CDC73: variants seen among roughly 807,000 people sequenced by gnomAD.
CDC73 encodes the protein parafibromin.
CDC73 carries 21 observed loss-of-function variants against 83.7 expected under a neutral mutation model. The observed-to-expected ratio is 0.25, with a 90% confidence interval of 0.18 to 0.36. CDC73 has a LOEUF of 0.36. Ranked by LOEUF, CDC73 falls within the 10% of genes least tolerant of loss-of-function variation. CDC73 has a pLI of 1.00. For synonymous variants in CDC73, 224 were observed against 212.9 expected, an observed-to-expected ratio of 1.05 and a Z score of -0.45; for missense variants, 342 against 653.3, an observed-to-expected ratio of 0.52 and a Z score of 5.19.
intron 5 of CDC73, among the ~76,000 whole-genome samples, chr1:193,137,082 A>G (rs985482350): frequency 4.6e-5 from 7 of 152,208 alleles, no homozygotes; most frequent in Non-Finnish European, 8.8e-5. Flanking sequence ...TTGAGGATCT[A>G]TAAGGAACTG....
Position 193,141,871 on chromosome 1 carries a change from A to G in CDC73, c.534A>G (p.Ser178=), listed in dbSNP as rs150365980. Residue 178 remains serine (S), a synonymous_variant, in exon 7 of 17, where the codon TCA becomes TCG. Coordinates refer to ENST00000367435, the MANE Select transcript of CDC73 (RefSeq NM_024529.5). The part of the protein sequence containing the change: ...EQIRSLSEAM[S]VEKIAAIKAK... The stretch of plus-strand genomic sequence containing the variant: ...TTAGGTCTTTGTCTGAAGCTATGTC[A>G]GTGGAAAAAATTGCTGCAATCAAAG... 19 of 1,613,092 alleles carry G rather than the reference A, an allele frequency of 1.2e-5. No homozygotes were observed. Among genetic ancestry groups the G allele is most frequent in the Non-Finnish European group, 1.4e-5 (16 of 1,179,296 alleles).
In CDC73 at chr1:193,200,674, T is replaced by C. The variant is rs191439873; in HGVS notation, c.973-3121T>C. On this transcript the variant is annotated intron_variant, in intron 10 of 16. Coordinates refer to ENST00000367435, the MANE Select transcript of CDC73 (RefSeq NM_024529.5). ...TCTTTTCCCCGCTGGGTAGTGTTTT[T>C]TCTTCCAATCCAAATCTTTAAAAAT... Among the ~76,000 whole-genome samples, 11 of 152,340 alleles carry C rather than the reference T, an allele frequency of 7.2e-5. No individual in the cohort carries two copies. In the East Asian group the frequency reaches 1.9e-3, roughly 27 times the overall value.
rs924438726 is a variant in CDC73, at chr1:193,178,019, T to C, written c.972+25575T>C. Reference sequence around the variant, plus strand: ...AAAGCAAAGCTGTCATTTAAAATTATATTTTTATGTATATAAAAATCACAT... The same window carrying C: ...AAAGCAAAGCTGTCATTTAAAATTACATTTTTATGTATATAAAAATCACAT... On this transcript the variant is annotated intron_variant, in intron 10 of 16. Transcript: ENST00000367435. Among the ~76,000 whole-genome samples, 4 of 152,330 alleles carry C rather than the reference T, an allele frequency of 2.6e-5. No individual in the cohort carries two copies. In the South Asian group the frequency reaches 8.3e-4, roughly 32 times the overall value.
chr1:193,198,861 T>C (rs901056722), intron 10 of CDC73, among the ~76,000 whole-genome samples: 2 of 152,204 alleles, frequency 1.3e-5, no homozygotes, highest in Non-Finnish European at 2.9e-5. Flanking sequence ...GTTTGTTTGT[T>C]GTAGTTTAAT....
At chr1:193,193,259 C>G (rs946267833) in intron 10 of CDC73, among the ~76,000 whole-genome samples, 2 of 152,176 alleles carry the variant, frequency 1.3e-5, no homozygotes, top group African/African-American at 4.8e-5. Context: ...TATATGCAAG[C>G]TACAAGGGGT....
intron 10 of CDC73, among the ~76,000 whole-genome samples, chr1:193,163,216 A>G (rs1293245500): frequency 1.3e-5 from 2 of 150,998 alleles, no homozygotes; most frequent in Admixed American, 1.3e-4. Flanking sequence ...CTCCTAGAAA[A>G]GTTAACAGGC....
At chr1:193,237,874 A>G (rs760836574) in intron 15 of CDC73, among the ~76,000 whole-genome samples, 1 of 152,202 alleles carries the variant, frequency 6.6e-6, no homozygotes, top group Non-Finnish European at 1.5e-5. Context: ...GGCAACTGAC[A>G]TTATGATAGC....
At chr1:193,242,697 A>G (rs1314073865) in intron 15 of CDC73, among the ~76,000 whole-genome samples, 1 of 152,122 alleles carries the variant, frequency 6.6e-6, no homozygotes, top group Non-Finnish European at 1.5e-5. Flanking sequence ...CCATTGAAAA[A>G]ATATTTTTAT....
chr1:193,170,113 C>CA (rs905169124), intron 10 of CDC73, among the ~76,000 whole-genome samples: 1 of 152,102 alleles, frequency 6.6e-6, no homozygotes, highest in African/African-American at 2.4e-5. Flanking sequence ...CATGTCCCTG[C>CA]AAAGGATATG....
In CDC73 at chr1:193,232,592, A is replaced by C. The variant is rs578015938; in HGVS notation, c.1155-401A>C. ...TTTAAAAACAAACATCTTTAGTTTA[A>C]AACTAATTAATGTTTAAAAATTATT... On this transcript the variant is annotated intron_variant, in intron 13 of 16. Transcript: ENST00000367435. 2.6e-5 allele frequency among the ~76,000 whole-genome samples: 4 copies of C among 152,320 alleles called. No homozygotes were observed. The East Asian group carries it at 7.7e-4, about 29-fold the overall frequency.
At chr1:193,188,118 C>A (rs1469164157) in intron 10 of CDC73, among the ~76,000 whole-genome samples, 2 of 152,174 alleles carry the variant, frequency 1.3e-5, no homozygotes, top group Non-Finnish European at 2.9e-5. Flanking sequence ...GACTATGAAG[C>A]TAGCCACAAT....
In CDC73 at chr1:193,250,920, A is replaced by G; in HGVS notation, c.*208A>G. The G allele has an allele frequency of 1.8e-6, 1 of 544,150 alleles. No individual in the cohort carries two copies. Among genetic ancestry groups the G allele is most frequent in the Non-Finnish European group, 3.3e-6 (1 of 303,336 alleles). The allele number at this position is 544,150 out of a possible 1,614,324, so 33.7% of individuals were successfully genotyped here. A position where few individuals can be genotyped will look rare whatever the true frequency, so the allele number is the denominator to read the frequency against. ...TATTAGCCTTCTAGTCTGTAATGGA[A>G]ATTGTATATTTTGATAGAAGTTTTT... is the stretch of plus-strand genomic sequence containing the variant. On this transcript the variant is annotated 3_prime_UTR_variant, in exon 17 of 17. Transcript: ENST00000367435.
intron 11 of CDC73, among the ~76,000 whole-genome samples, chr1:193,208,917 A>C (rs1677232734): frequency 6.6e-6 from 1 of 152,084 alleles, no homozygotes; most frequent in African/African-American, 2.4e-5. Flanking sequence ...TTCAAATTTC[A>C]GCTTAAATGC....
At chr1:193,181,169 TTGGATGTCCAG>T in intron 10 of CDC73, 1 of 1,613,940 alleles carries the variant, frequency 6.2e-7, no homozygotes, top group South Asian at 1.1e-5. Context: ...TGGTAAGAAT[TTGGATGTCCAG>T]TACCTTTTTC....
chr1:193,244,658 A>T (rs1558324250), intron 15 of CDC73, among the ~76,000 whole-genome samples: 1 of 152,194 alleles, frequency 6.6e-6, no homozygotes, highest in South Asian at 2.1e-4. Flanking sequence ...CCATCTTGGA[A>T]TCTTTGTGTC....
chr1:193,217,385 C>G (rs541389298), intron 13 of CDC73, among the ~76,000 whole-genome samples: 2 of 152,152 alleles, frequency 1.3e-5, no homozygotes, highest in Non-Finnish European at 2.9e-5. Context: ...CTGGAAGAAT[C>G]GGATCACATG....
In CDC73 at chr1:193,122,147, C is replaced by A; in HGVS notation, c.-54C>A. ...GCGAGGCGACAAGAGAAGAAGGAGG[C>A]AGGCGCGGCGGCAGCGGCGGCGCCC... On this transcript the variant is annotated 5_prime_UTR_variant, in exon 1 of 17. Coordinates refer to ENST00000367435, the MANE Select transcript of CDC73 (RefSeq NM_024529.5). 1 of 1,573,626 alleles carries A rather than the reference C, an allele frequency of 6.4e-7. No homozygotes were observed. The highest frequency in any genetic ancestry group is 8.7e-7 in the Non-Finnish European group (1 of 1,144,370).
chr1:193,149,370 T>C (rs532521726), intron 8 of CDC73, among the ~76,000 whole-genome samples: 1 of 152,174 alleles, frequency 6.6e-6, no homozygotes, highest in East Asian at 1.9e-4. Flanking sequence ...TCCCTACTTA[T>C]TAGATGTTTT....
chr1:193,144,403 CTTTATT>C (rs1284090600), intron 7 of CDC73, among the ~76,000 whole-genome samples: 1 of 151,850 alleles, frequency 6.6e-6, no homozygotes, highest in Non-Finnish European at 1.5e-5. Flanking sequence ...ATTAATTCTT[CTTTATT>C]TTTAAAGTAG....
Sources: gnomAD v4.1 joint callset for allele counts (sites outside exome capture counted in the v4.1 genomes callset) on GRCh38, gnomAD v4.1.1 for gene constraint, MANE v1.5 for transcripts, NCBI Gene and HGNC (gene_info 2026-07-23, HGNC 2026-07-21) for gene names.